The following EEF1AKMT1 variants were observed in gnomAD, a reference collection of about 807,000 sequenced individuals.
EEF1AKMT1 encodes the protein EEF1A lysine methyltransferase 1, also known as N-6 adenine-specific DNA methyltransferase 2 (putative).
In EEF1AKMT1, 18 loss-of-function variants were observed where a neutral mutation model predicts 21.0. That is an observed-to-expected ratio of 0.86 (90% CI 0.59 to 1.27). EEF1AKMT1 has a LOEUF of 1.27. EEF1AKMT1 is among the 50% of genes most tolerant of loss of function. EEF1AKMT1 has a pLI of 0.00. For synonymous variants in EEF1AKMT1, 109 were observed against 94.8 expected (o/e 1.15, Z -0.87); for missense variants, 246 against 258.6 (o/e 0.95, Z 0.33).
rs530385607 is a variant in EEF1AKMT1, at chr13:20,772,436, T to C, written c.-20+1485A>G. ...TTGCCGTAAATGGGAAGGAGGGTGC[T>C]ACTGGCATCAGGTGGGTAGAGGCTG... On this transcript the variant is annotated intron_variant, in intron 1 of 4. Coordinates refer to ENST00000382758, the MANE Select transcript of EEF1AKMT1 (RefSeq NM_001318939.2). Among the ~76,000 whole-genome samples, 82 of 152,240 alleles carry C rather than the reference T, an allele frequency of 5.4e-4. 1 individual carries two copies. Among genetic ancestry groups the C allele is most frequent in the African/African-American group, 1.7e-3 (69 of 41,532 alleles).
At position 20,732,043 on chromosome 13, in the gene EEF1AKMT1, A is replaced by T. The variant is rs1354482179; in HGVS notation, c.306T>A (p.Phe102Leu). ...ACATGGCAAATCTTTTGTCATATTC[A>T]AAGATGTATATCGAAAAGTTTTCTC... Reference protein sequence around the residue: ...LCRENFSIYIFEYDKRFAMYG... With the variant: ...LCRENFSIYILEYDKRFAMYG... The change falls in exon 4 of 5, where the codon TTT (phenylalanine) becomes TTA (leucine). Residue 102 changes from phenylalanine to leucine, a missense_variant. Transcript: ENST00000382758. 1.9e-6 allele frequency: 3 copies of T among 1,614,230 alleles called. No individual in the cohort carries two copies. The highest frequency in any genetic ancestry group is 3.3e-5 in the Admixed American group (2 of 60,026).
chr13:20,731,773 T>C, intron 4 of EEF1AKMT1, 68 bp downstream of exon 4: 2 of 1,506,522 alleles, frequency 1.3e-6, no homozygotes, highest in Non-Finnish European at 1.8e-6. Flanking sequence ...TCAGGATTTT[T>C]TCTTGACCCT....
intron 4 of EEF1AKMT1, among the ~76,000 whole-genome samples, chr13:20,730,791 C>A (rs2058788482): frequency 6.6e-6 from 1 of 152,188 alleles, no homozygotes; most frequent in Non-Finnish European, 1.5e-5. Context: ...AGGACGTGGG[C>A]AGGGACAAAC....
intron 2 of EEF1AKMT1, among the ~76,000 whole-genome samples, chr13:20,740,782 G>A (rs576034210): frequency 2.0e-5 from 3 of 152,298 alleles, no homozygotes; most frequent in Admixed American, 2.0e-4. Flanking sequence ...CAGCCTGGGC[G>A]ACAGAGGGAG....
chr13:20,734,670 T>A (rs1452960933), intron 3 of EEF1AKMT1, among the ~76,000 whole-genome samples: 1 of 152,078 alleles, frequency 6.6e-6, no homozygotes, highest in Non-Finnish European at 1.5e-5. Flanking sequence ...CTTGGCTCAC[T>A]ACAAGCTCCG....
At position 20,737,641 on chromosome 13, in the gene EEF1AKMT1, A is replaced by G. The variant is rs949534138; in HGVS notation, c.227+82T>C. On this transcript the variant is annotated intron_variant, in intron 3 of 4. Transcript: ENST00000382758. Reference sequence around the variant, plus strand: ...ACAATATTTACAGATTATAGTTCAGACTTCTTACAAACCATCTGTCATCCA... The same window carrying G: ...ACAATATTTACAGATTATAGTTCAGGCTTCTTACAAACCATCTGTCATCCA... 3.4e-6 allele frequency: 4 copies of G among 1,163,182 alleles called. No homozygotes were observed. In the African/African-American group the frequency reaches 6.1e-5, roughly 18 times the overall value. 72.1% of individuals were successfully genotyped at this position (1,163,182 alleles called of 1,614,324 possible).
chr13:20,747,689 T>C (rs571843720), intron 2 of EEF1AKMT1: 1 of 152,564 alleles, frequency 6.6e-6, no homozygotes, highest in Admixed American at 6.5e-5. Flanking sequence ...GGTCTTAAAC[T>C]CCTGACCTCA....
chr13:20,765,485 T>C (rs1411635009), intron 1 of EEF1AKMT1, among the ~76,000 whole-genome samples: 1 of 130,384 alleles, frequency 7.7e-6, no homozygotes, highest in Non-Finnish European at 1.6e-5. Flanking sequence ...CAATCTCAGC[T>C]CACTGCAACC....
intron 2 of EEF1AKMT1, 89 bp from the exon 3 acceptor site, chr13:20,737,894 TA>T (rs1257427461): frequency 1.2e-6 from 1 of 835,968 alleles, no homozygotes; most frequent in Non-Finnish European, 1.8e-6. Flanking sequence ...AGTGGACAGA[TA>T]TTTTGTTCTT....
At chr13:20,730,143 T>C (rs2058784376) in intron 4 of EEF1AKMT1, among the ~76,000 whole-genome samples, 1 of 152,220 alleles carries the variant, frequency 6.6e-6, no homozygotes, top group South Asian at 2.1e-4. Context: ...TTTAGTCTAT[T>C]TTATTATTAT....
chr13:20,730,108 C>G (rs2058784009), intron 4 of EEF1AKMT1, among the ~76,000 whole-genome samples: 1 of 152,240 alleles, frequency 6.6e-6, no homozygotes, highest in African/African-American at 2.4e-5. Flanking sequence ...CTCTGTTACT[C>G]TTCTCAGAGT....
chr13:20,752,960 T>C (rs2058950822), intron 2 of EEF1AKMT1, among the ~76,000 whole-genome samples: 2 of 152,140 alleles, frequency 1.3e-5, no homozygotes, highest in Admixed American at 1.3e-4. Context: ...CTCTTCATTA[T>C]TTCTTTCCTT....
At chr13:20,766,694 C>G (rs1039007349) in intron 1 of EEF1AKMT1, among the ~76,000 whole-genome samples, 1 of 151,842 alleles carries the variant, frequency 6.6e-6, no homozygotes, top group Non-Finnish European at 1.5e-5. Flanking sequence ...TGATGGCAGG[C>G]GCCTGTAGTC....
At chr13:20,763,418 T>C (rs1468278599) in intron 1 of EEF1AKMT1, among the ~76,000 whole-genome samples, 1 of 152,146 alleles carries the variant, frequency 6.6e-6, no homozygotes, top group African/African-American at 2.4e-5. Context: ...CTACGGTATT[T>C]TGTTATAGCA....
At chr13:20,742,688 A>T (rs537100150) in intron 2 of EEF1AKMT1, among the ~76,000 whole-genome samples, 2 of 152,342 alleles carry the variant, frequency 1.3e-5, no homozygotes, top group Admixed American at 1.3e-4. Context: ...AAGTTGCTCC[A>T]ACACCTAACG....
At chr13:20,748,185 CCAG>C in intron 2 of EEF1AKMT1, 1 of 152,694 alleles carries the variant, frequency 6.5e-6, no homozygotes, top group Non-Finnish European at 1.5e-5. Context: ...GCCTGTAATC[CCAG>C]CACTTTGGGA....
intron 3 of EEF1AKMT1, among the ~76,000 whole-genome samples, chr13:20,732,584 C>T (rs1055763846): frequency 9.2e-5 from 14 of 152,076 alleles, no homozygotes; most frequent in Admixed American, 3.9e-4. Flanking sequence ...CAGCCTGCCT[C>T]GGCCTCCCAA....
intron 1 of EEF1AKMT1, among the ~76,000 whole-genome samples, chr13:20,759,635 C>A: frequency 1.8e-5 from 1 of 54,084 alleles, no homozygotes; most frequent in African/African-American, 5.1e-5. Context: ...TGAATTAAAT[C>A]AACAAGAAAA....
chr13:20,741,707 G>T (rs1003710889), intron 2 of EEF1AKMT1, among the ~76,000 whole-genome samples: 1 of 152,026 alleles, frequency 6.6e-6, no homozygotes, highest in Admixed American at 6.6e-5. Flanking sequence ...TGCCTCCTCA[G>T]CCTCCCAAAG....
Sources: allele counts gnomAD v4.1 joint callset (sites outside exome capture counted in the v4.1 genomes callset), GRCh38; gene constraint gnomAD v4.1.1; transcripts MANE v1.5; gene names NCBI Gene and HGNC (gene_info 2026-07-23, HGNC 2026-07-21).